Variants in CREBBP observed in about 807,000 individuals in gnomAD.
CREBBP encodes the protein CREB-binding protein.
In CREBBP, 19 loss-of-function variants were observed where a neutral mutation model predicts 265.0. That is an observed-to-expected ratio of 0.07 (90% CI 0.05 to 0.11). CREBBP has a LOEUF of 0.11. CREBBP is among the 10% of genes least tolerant of loss of function. The probability of loss-of-function intolerance (pLI) is 1.00; values close to 1 mark genes in which losing one functional copy is unlikely to be tolerated. For missense variants in CREBBP, 2,525 were observed against 3,219.0 expected (o/e 0.78, Z 5.22); for synonymous variants, 1,457 against 1,223.7 (o/e 1.19, Z -3.98).
intron 1 of CREBBP, among the ~76,000 whole-genome samples, chr16:3,868,540 C>T (rs979637489): frequency 2.0e-5 from 3 of 151,966 alleles, no homozygotes; most frequent in Admixed American, 2.0e-4. Flanking sequence ...GTTTTATAAG[C>T]CCTAAAAAAA....
In CREBBP at chr16:3,727,847, C is replaced by A. The variant is rs2151298630; in HGVS notation, c.7200G>T (p.Leu2400Phe). ...GCATTGCACTCTGTTCGGGGTTCCC[C>A]AAGTGTCCCTGATCTATGGAGCTGG... ...TMASSIDQGH[L>F]GNPEQSAMLP... Residue 2400 changes from leucine (L) to phenylalanine (F), a missense_variant, in exon 31 of 31, where the codon TTG (leucine) becomes TTT (phenylalanine). Physicochemically the swap from Leu to Phe is conservative, Grantham distance 22. Transcript: ENST00000262367. 1 of 1,614,082 alleles carries A rather than the reference C, an allele frequency of 6.2e-7. No individual in the cohort carries two copies. The highest frequency in any genetic ancestry group is 8.5e-7 in the Non-Finnish European group (1 of 1,180,032).
chr16:3,777,598 C>A lies in CREBBP; in HGVS notation c.2158+15G>T. 4 of 1,613,846 alleles carry A rather than the reference C, an allele frequency of 2.5e-6. No individual in the cohort carries two copies. Among genetic ancestry groups the A allele is most frequent in the Non-Finnish European group, 3.4e-6 (4 of 1,179,808 alleles). On this transcript the variant is annotated intron_variant, in intron 11 of 30. Coordinates refer to ENST00000262367, the MANE Select transcript of CREBBP (RefSeq NM_004380.3). Reference sequence around the variant, plus strand: ...TGTAAAACTAAAATATGATTCACCACAAACAGTTCAATACCTTGAGAAACT... The same window carrying A: ...TGTAAAACTAAAATATGATTCACCAAAAACAGTTCAATACCTTGAGAAACT...
chr16:3,740,677 C>T (rs1047670213), intron 23 of CREBBP, 128 bp from the exon 24 acceptor site: 16 of 1,081,958 alleles, frequency 1.5e-5, no homozygotes, highest in African/African-American at 4.7e-5. Context: ...TCTCCAAACA[C>T]GGAAGAAATC....
At chr16:3,757,716 C>G (rs2151382824) in intron 18 of CREBBP, 93 bp downstream of exon 18, 1 of 1,546,994 alleles carries the variant, frequency 6.5e-7, no homozygotes, top group Non-Finnish European at 8.8e-7. Context: ...CATATGCACT[C>G]CCAGTATACA....
At chr16:3,876,399 CAAAAAAA>C (rs71133663) in intron 1 of CREBBP, among the ~76,000 whole-genome samples, 1 of 18,156 alleles carries the variant, frequency 5.5e-5, no homozygotes, top group Non-Finnish European at 1.1e-4. Flanking sequence ...TAAAGCTGAC[CAAAAAAA>C]AAAAAAAAAA....
rs146919845 is a variant in CREBBP, at chr16:3,786,874, A to G, written c.1331-3948T>C. Among the ~76,000 whole-genome samples, 460 of 152,208 alleles carry G rather than the reference A, an allele frequency of 3.0e-3. 4 individuals are homozygous for G. The highest frequency in any genetic ancestry group is 0.011 in the African/African-American group (440 of 41,508). ...GATCACCTGAGGTCAGGAGTTCAAGACCAGCCTGGACAACATGGTGAAACC... is the reference window on the plus strand; with the variant it reads ...GATCACCTGAGGTCAGGAGTTCAAGGCCAGCCTGGACAACATGGTGAAACC... On this transcript the variant is annotated intron_variant, in intron 5 of 30. Transcript: ENST00000262367.
chr16:3,728,414 TTGC>T lies in CREBBP; in HGVS notation c.6630_6632del (p.Gln2216del). 1.9e-6 allele frequency: 3 copies of T among 1,613,212 alleles called. No individual in the cohort carries two copies. The South Asian group carries it at 3.3e-5, about 18-fold the overall frequency. On this transcript the variant is annotated inframe_deletion, in exon 31 of 31. Coordinates refer to ENST00000262367, the MANE Select transcript of CREBBP (RefSeq NM_004380.3). This position sits in a 1 kb window ranked among gnomAD's most constrained non-coding sequence, Gnocchi z 8.7. The stretch of plus-strand genomic sequence containing the variant: ...CGGCACTCCCTTGCTGCTGCTGCTG[TTGC>T]TGCTGTTGTTGCTGCTGCTGTTGCT...
At chr16:3,782,165 G>T (rs989645631) in intron 6 of CREBBP, among the ~76,000 whole-genome samples, 1 of 152,184 alleles carries the variant, frequency 6.6e-6, no homozygotes, top group African/African-American at 2.4e-5. Flanking sequence ...ACGATCAAAG[G>T]CTGGCAAATA....
rs141734994 is a variant in CREBBP at position 3,769,209 on chromosome 16, C to T, written c.3025G>A (p.Asp1009Asn). 6.2e-6 allele frequency: 10 copies of T among 1,614,138 alleles called. No homozygotes were observed. The highest frequency in any genetic ancestry group is 1.7e-4 in the Middle Eastern group (1 of 6,054). Reference protein sequence around the residue: ...TETQAEDTEPDPGESKGEPRS... With the variant: ...TETQAEDTEPNPGESKGEPRS... ...GGCTCCCCTTTGGATTCACCAGGAT[C>T]GGGCTCAGTGTCCTCTGCTTGGGTC... Residue 1009 changes from aspartate to asparagine, a missense_variant, in exon 15 of 31, where the codon GAT becomes AAT. By Grantham distance (23) the Asp-to-Asn change is conservative. Coordinates refer to ENST00000262367, the MANE Select transcript of CREBBP (RefSeq NM_004380.3).
intron 1 of CREBBP, among the ~76,000 whole-genome samples, chr16:3,864,526 T>C (rs543927843): frequency 4.1e-4 from 62 of 152,244 alleles, no homozygotes; most frequent in Non-Finnish European, 5.4e-4. Flanking sequence ...CACATGCCCA[T>C]AGTCCTAGCT....
chr16:3,790,691 T>G (rs960614444), intron 5 of CREBBP, among the ~76,000 whole-genome samples: 1 of 152,076 alleles, frequency 6.6e-6, no homozygotes, highest in Admixed American at 6.6e-5. Context: ...GGTTCTTCTG[T>G]AGGGAGGCAG....
intron 2 of CREBBP, among the ~76,000 whole-genome samples, chr16:3,821,179 GTTCT>G (rs1289528968): frequency 2.6e-5 from 4 of 152,174 alleles, no homozygotes; most frequent in East Asian, 3.8e-4. Flanking sequence ...GATCTTTAAA[GTTCT>G]TTCTGATTCT....
intron 16 of CREBBP, among the ~76,000 whole-genome samples, chr16:3,760,445 C>T (rs1040706561): frequency 3.7e-5 from 5 of 135,252 alleles, no homozygotes; most frequent in Non-Finnish European, 6.2e-5. Flanking sequence ...CTCTGTCACC[C>T]AGGCTGGAGT....
chr16:3,877,995 C>G (rs189821747), intron 1 of CREBBP, among the ~76,000 whole-genome samples: 1 of 152,340 alleles, frequency 6.6e-6, no homozygotes, highest in East Asian at 1.9e-4. Context: ...CAATAATGGA[C>G]ACTACTATGG....
In CREBBP at chr16:3,879,911, A is replaced by T; in HGVS notation, c.6T>A (p.Ala2=). 6.2e-7 allele frequency: 1 copy of T among 1,611,892 alleles called. No individual in the cohort carries two copies. The highest frequency in any genetic ancestry group is 8.5e-7 in the Non-Finnish European group (1 of 1,179,052). ...TGGGCGGTCCGTCCAGCAAGTTCTC[A>T]GCCATTTTCACCTGCTCGCGAAAAC... M[A]ENLLDGPPNP... Residue 2 remains alanine (A), a synonymous_variant, in exon 1 of 31, where the codon GCT becomes GCA. Coordinates refer to ENST00000262367, the MANE Select transcript of CREBBP (RefSeq NM_004380.3).
chr16:3,845,758 G>A (rs996959670), intron 2 of CREBBP, among the ~76,000 whole-genome samples: 4 of 151,792 alleles, frequency 2.6e-5, no homozygotes, highest in African/African-American at 4.8e-5. Context: ...GTGGTGATGC[G>A]CGCCTGTAGT....
chr16:3,728,798 T>C lies in CREBBP; in HGVS notation c.6249A>G (p.Gln2083=). 6.2e-7 allele frequency: 1 copy of C among 1,613,730 alleles called. No individual in the cohort carries two copies. Among genetic ancestry groups the C allele is most frequent in the Non-Finnish European group, 8.5e-7 (1 of 1,179,986 alleles). Residue 2083 remains glutamine (Q), a synonymous_variant, in exon 31 of 31, where the codon CAA becomes CAG. Transcript: ENST00000262367. This position sits in a 1 kb window ranked among gnomAD's most constrained non-coding sequence, Gnocchi z 8.7. ...TLKSPSSPQQ[Q]QQVLNILKSN... is the part of the protein sequence containing the mutation. ...ATTTGAGAATGTTCAGCACCTGCTG[T>C]TGCTGCTGAGGGGAGCTGGGCGACT...
At chr16:3,871,191 T>A (rs1214531643) in intron 1 of CREBBP, among the ~76,000 whole-genome samples, 9 of 60,948 alleles carry the variant, frequency 1.5e-4, no homozygotes, top group South Asian at 2.4e-3. Context: ...TCTCTCTCTC[T>A]CTCTCACTCA....
intron 2 of CREBBP, among the ~76,000 whole-genome samples, chr16:3,822,971 C>T (rs2054169067): frequency 6.6e-6 from 1 of 152,044 alleles, no homozygotes; most frequent in South Asian, 2.1e-4. Context: ...CATAAGGAAC[C>T]GCTGGTACCA....
Sources: gnomAD v4.1 joint callset for allele counts (sites outside exome capture counted in the v4.1 genomes callset) on GRCh38, gnomAD v4.1.1 for gene constraint, Gnocchi (gnomAD v3.1) non-coding constraint, MANE v1.5 for transcripts, NCBI Gene and HGNC (gene_info 2026-07-23, HGNC 2026-07-21) for gene names.